The following TVP23A variants were observed in gnomAD, a reference collection of about 807,000 sequenced individuals.
TVP23A encodes the protein trans-golgi network vesicle protein 23 homolog A, also known as Golgi apparatus membrane protein TVP23 homolog A.
A neutral mutation model predicts 31.7 loss-of-function variants in TVP23A; 21 were observed. That is an observed-to-expected ratio of 0.66 (90% CI 0.47 to 0.95). The LOEUF is 0.95. Ranked by LOEUF, TVP23A falls within the 40% of genes least tolerant of loss-of-function variation. The probability of loss-of-function intolerance (pLI) is 0.00; values close to 1 mark genes in which losing one functional copy is unlikely to be tolerated. For synonymous variants in TVP23A, 104 were observed against 96.0 expected (o/e 1.08, Z -0.49); for missense variants, 279 against 255.6 (o/e 1.09, Z -0.62).
downstream of TVP23A, chr16:10,758,056 C>A: frequency 6.2e-7 from 1 of 1,607,400 alleles, no homozygotes; most frequent in Non-Finnish European, 8.5e-7. Flanking sequence ...GGAGCTGGGT[C>A]CAAACTGTGC....
intron 7 of TVP23A, chr16:10,769,627 G>A: frequency 6.3e-6 from 1 of 159,994 alleles, no homozygotes; most frequent in Non-Finnish European, 1.4e-5. Context: ...TAAAATCACT[G>A]CATATGACAC....
chr16:10,772,414 G>A (rs2031693633), intron 5 of TVP23A, among the ~76,000 whole-genome samples: 1 of 152,142 alleles, frequency 6.6e-6, no homozygotes, highest in South Asian at 2.1e-4. Flanking sequence ...CTGTCACCCA[G>A]GCTGAAGTGC....
At chr16:10,795,534 A>G (rs2033341178) in intron 2 of TVP23A, among the ~76,000 whole-genome samples, 1 of 152,246 alleles carries the variant, frequency 6.6e-6, no homozygotes, top group African/African-American at 2.4e-5. Flanking sequence ...TACAGGTGTG[A>G]GCCACTGTGC....
At chr16:10,783,030 T>G (rs1032660394) in intron 2 of TVP23A, among the ~76,000 whole-genome samples, 2 of 152,198 alleles carry the variant, frequency 1.3e-5, no homozygotes, top group African/African-American at 4.8e-5. Context: ...GGGTGGTTGC[T>G]GCCTGACTGG....
chr16:10,768,943 G>C lies in TVP23A; in HGVS notation c.*159C>G, dbSNP rs1290753194. On this transcript the variant is annotated 3_prime_UTR_variant, in exon 8 of 8. Coordinates refer to ENST00000299866, the MANE Select transcript of TVP23A (RefSeq NM_001079512.4). The surrounding 1 kb of genome is among the most constrained non-coding windows in gnomAD (Gnocchi z 4.3). ...ACAGGTCTTTTTATGGAACTAGCCA[G>C]AGGATTCCACCCCTGTCAAAACACA... 12 of 995,770 alleles carry C rather than the reference G, an allele frequency of 1.2e-5. No homozygotes were observed. Among genetic ancestry groups the C allele is most frequent in the Non-Finnish European group, 1.9e-5 (12 of 635,836 alleles). The allele number at this position is 995,770 out of a possible 1,614,324, so 61.7% of individuals were successfully genotyped here.
intron 2 of TVP23A, among the ~76,000 whole-genome samples, chr16:10,808,971 A>G (rs2034070357): frequency 6.6e-6 from 1 of 152,216 alleles, no homozygotes; most frequent in African/African-American, 2.4e-5. Context: ...CCTTGAAAGC[A>G]TAACATAACT....
At chr16:10,784,060 G>A (rs1267639667) in intron 2 of TVP23A, among the ~76,000 whole-genome samples, 2 of 152,120 alleles carry the variant, frequency 1.3e-5, no homozygotes, top group Non-Finnish European at 2.9e-5. Context: ...GCTAGGCGTG[G>A]TGGCTCATGC....
intron 2 of TVP23A, among the ~76,000 whole-genome samples, chr16:10,801,669 C>T (rs1438108261): frequency 2.0e-5 from 3 of 152,066 alleles, no homozygotes; most frequent in Non-Finnish European, 4.4e-5. Flanking sequence ...TTTCCCAGAC[C>T]GGTCTCAAAC....
intron 2 of TVP23A, among the ~76,000 whole-genome samples, chr16:10,816,844 G>A (rs1810810152): frequency 6.6e-6 from 1 of 151,196 alleles, no homozygotes; most frequent in South Asian, 2.1e-4. Context: ...TTCACGTTGT[G>A]CACATGTACC....
intron 2 of TVP23A, among the ~76,000 whole-genome samples, chr16:10,796,733 C>T (rs1324422450): frequency 2.0e-5 from 3 of 152,084 alleles, no homozygotes; most frequent in Non-Finnish European, 4.4e-5. Context: ...CCACCGCGCC[C>T]GGCCCATAAA....
chr16:10,781,624 C>G (rs1196959284), intron 2 of TVP23A, among the ~76,000 whole-genome samples: 1 of 152,158 alleles, frequency 6.6e-6, no homozygotes, highest in Admixed American at 6.6e-5. Flanking sequence ...GACCTGGACA[C>G]ATGAATTTCA....
chr16:10,795,498 GC>G (rs2033339473), intron 2 of TVP23A, among the ~76,000 whole-genome samples: 1 of 152,090 alleles, frequency 6.6e-6, no homozygotes, highest in African/African-American at 2.4e-5. Context: ...TGATCTGCCT[GC>G]CTTGGCCTCC....
chr16:10,810,217 G>GAA (rs199602832), intron 2 of TVP23A, among the ~76,000 whole-genome samples: 2 of 146,244 alleles, frequency 1.4e-5, no homozygotes, highest in African/African-American at 5.0e-5. Context: ...GTGTTTCTAG[G>GAA]AAAAAAAAAA....
At chr16:10,815,422 A>AAAAAC (rs1188175407) in intron 2 of TVP23A, among the ~76,000 whole-genome samples, 1 of 152,154 alleles carries the variant, frequency 6.6e-6, no homozygotes, top group African/African-American at 2.4e-5. Flanking sequence ...AAACAAAAAC[A>AAAAAC]AAAACAAAAC....
At position 10,777,095 on chromosome 16, in the gene TVP23A, T is replaced by G. The variant is rs2032081561; in HGVS notation, c.90-1999A>C. On this transcript the variant is annotated intron_variant, in intron 2 of 7. Transcript: ENST00000299866. This position sits in a 1 kb window ranked among gnomAD's most constrained non-coding sequence, Gnocchi z 4.5. ...TCAGCCTCGTTTTACCCAGCCCCTA[T>G]TCAAGATGGAGTTGCTCTGGTTCAC... Among the ~76,000 whole-genome samples the G allele has an allele frequency of 6.6e-6, 1 of 152,132 alleles. No homozygotes were observed. Among genetic ancestry groups the G allele is most frequent in the Non-Finnish European group, 1.5e-5 (1 of 68,022 alleles).
chr16:10,781,539 C>T (rs1043307560), intron 2 of TVP23A, among the ~76,000 whole-genome samples: 1 of 152,138 alleles, frequency 6.6e-6, no homozygotes, highest in African/African-American at 2.4e-5. Flanking sequence ...AGATTCTCAA[C>T]CTGGAATGTG....
chr16:10,789,206 C>G (rs368549645), intron 2 of TVP23A, among the ~76,000 whole-genome samples: 1 of 152,124 alleles, frequency 6.6e-6, no homozygotes, highest in Admixed American at 6.6e-5. Flanking sequence ...ATGTTTTTTA[C>G]CAGCCTTAAA....
chr16:10,762,228 G>A (rs1344951027), downstream of TVP23A: 1 of 178,904 alleles, frequency 5.6e-6, no homozygotes. Flanking sequence ...AAATCCCTTA[G>A]GAAGGGGCCG....
intron 2 of TVP23A, 149 bp from the exon 3 acceptor site, chr16:10,775,245 A>G: frequency 6.9e-7 from 1 of 1,450,690 alleles, no homozygotes; most frequent in South Asian, 1.5e-5. Flanking sequence ...CTCAGGCTGT[A>G]GCCCTGGGGA....
Sources: gnomAD v4.1 joint callset for allele counts (sites outside exome capture counted in the v4.1 genomes callset) on GRCh38, gnomAD v4.1.1 for gene constraint, Gnocchi (gnomAD v3.1) non-coding constraint, MANE v1.5 for transcripts, NCBI Gene and HGNC (gene_info 2026-07-23, HGNC 2026-07-21) for gene names.